Variants in RIMS2 observed in about 807,000 individuals in gnomAD.
The protein encoded by RIMS2 is regulating synaptic membrane exocytosis protein 2.
In RIMS2, 59 loss-of-function variants were observed where a neutral mutation model predicts 174.4. The observed-to-expected ratio is 0.34, with a 90% CI of 0.27 to 0.42. The LOEUF (loss-of-function observed/expected upper bound fraction) is 0.42. RIMS2 is among the 10% of genes least tolerant of loss of function. RIMS2 has a pLI of 1.00. For synonymous variants in RIMS2, 606 were observed against 572.5 expected (o/e 1.06, Z -0.84); for missense variants, 1,620 against 1,666.3 (o/e 0.97, Z 0.48).
intron 19 of RIMS2, 41 bp downstream of exon 24, chr8:104,093,684 A>G: frequency 6.7e-7 from 1 of 1,482,496 alleles, no homozygotes; most frequent in South Asian, 1.2e-5. Flanking sequence ...AATATGTTTT[A>G]GAAGGTCTTT....
At chr8:103,736,322 A>G (rs1248010874) in intron 2 of RIMS2, among the ~76,000 whole-genome samples, 4 of 152,218 alleles carry the variant, frequency 2.6e-5, no homozygotes, top group Non-Finnish European at 5.9e-5. Context: ...AGTTTTTGAC[A>G]TCAAAGTCCC....
At chr8:103,549,188 C>T (rs1398954963) in intron 1 of RIMS2, among the ~76,000 whole-genome samples, 1 of 151,792 alleles carries the variant, frequency 6.6e-6, no homozygotes, top group Non-Finnish European at 1.5e-5. Flanking sequence ...CAAAGTTGAA[C>T]TGAAGGAAAA....
At chr8:104,188,180 C>T (rs75966236) in intron 19 of RIMS2, among the ~76,000 whole-genome samples, 78 of 149,892 alleles carry the variant, frequency 5.2e-4, no homozygotes, top group East Asian at 2.6e-3. Flanking sequence ...TTAGGGAAGG[C>T]GAAGTAGGAA....
intron 1 of RIMS2, among the ~76,000 whole-genome samples, chr8:103,598,959 A>T (rs916342591): frequency 1.3e-5 from 2 of 152,062 alleles, no homozygotes; most frequent in African/African-American, 2.4e-5. Flanking sequence ...CTGTTAGCTA[A>T]AACATATTGA....
intron 2 of RIMS2, among the ~76,000 whole-genome samples, chr8:103,722,185 C>T (rs1008958582): frequency 6.6e-6 from 1 of 151,984 alleles, no homozygotes; most frequent in African/African-American, 2.4e-5. Context: ...GCCTGGCCAA[C>T]ATGGTGAAAC....
intron 4 of RIMS2, among the ~76,000 whole-genome samples, chr8:103,909,544 G>A (rs183269522): frequency 2.5e-4 from 38 of 152,190 alleles, no homozygotes; most frequent in Admixed American, 2.4e-3. Flanking sequence ...GAATGAACCT[G>A]TTTTATAATT....
At chr8:103,957,444 C>A (rs1324952046) in intron 14 of RIMS2, among the ~76,000 whole-genome samples, 1 of 152,190 alleles carries the variant, frequency 6.6e-6, no homozygotes, top group Admixed American at 6.5e-5. Context: ...AGGATGAGTT[C>A]ATGTCCTTTG....
intron 19 of RIMS2, among the ~76,000 whole-genome samples, chr8:104,098,460 A>G (rs2097799739): frequency 6.6e-6 from 1 of 152,148 alleles, no homozygotes; most frequent in Non-Finnish European, 1.5e-5. Context: ...AAAAACAAAT[A>G]CTGAAAAGCA....
At chr8:104,156,047 A>G (rs1234269017) in intron 19 of RIMS2, among the ~76,000 whole-genome samples, 1 of 152,238 alleles carries the variant, frequency 6.6e-6, no homozygotes, top group East Asian at 1.9e-4. Flanking sequence ...AAAACTAACT[A>G]TGAGAAAACT....
chr8:103,560,552 A>G (rs2091424232), intron 1 of RIMS2, among the ~76,000 whole-genome samples: 1 of 152,196 alleles, frequency 6.6e-6, no homozygotes, highest in Non-Finnish European at 1.5e-5. Context: ...TACACAGATC[A>G]AACATTTAAC....
chr8:103,667,647 CA>C (rs2096688993), intron 1 of RIMS2, among the ~76,000 whole-genome samples: 2 of 152,206 alleles, frequency 1.3e-5, no homozygotes, highest in Admixed American at 1.3e-4. Flanking sequence ...TGAGTGCACA[CA>C]AACCCCTTTT....
At chr8:103,587,225 TA>T (rs1563897259) in intron 1 of RIMS2, among the ~76,000 whole-genome samples, 1 of 151,832 alleles carries the variant, frequency 6.6e-6, no homozygotes, top group Admixed American at 6.6e-5. Flanking sequence ...ATTCTTTCAG[TA>T]AAGAAAGGTC....
At chr8:103,985,892 ACT>A (rs1338473770) in intron 16 of RIMS2, among the ~76,000 whole-genome samples, 1 of 152,196 alleles carries the variant, frequency 6.6e-6, no homozygotes, top group Non-Finnish European at 1.5e-5. Context: ...ACATGATCTA[ACT>A]TATATATAGA....
At chr8:103,941,893 G>A (rs1013991533) in intron 13 of RIMS2, among the ~76,000 whole-genome samples, 1 of 152,118 alleles carries the variant, frequency 6.6e-6, no homozygotes, top group African/African-American at 2.4e-5. Context: ...TTTTGCTTAT[G>A]AAAATTAAAC....
intron 1 of RIMS2, among the ~76,000 whole-genome samples, chr8:103,576,483 G>A (rs887292903): frequency 6.6e-6 from 1 of 152,124 alleles, no homozygotes; most frequent in African/African-American, 2.4e-5. Context: ...AATGGAGAAC[G>A]AATGAAACCA....
At chr8:103,753,146 G>C (rs540873217) in intron 2 of RIMS2, among the ~76,000 whole-genome samples, 85 of 150,166 alleles carry the variant, frequency 5.7e-4, no homozygotes, top group African/African-American at 1.4e-3. Flanking sequence ...TAGCATGAAG[G>C]GTAGTTGAAT....
intron 1 of RIMS2, among the ~76,000 whole-genome samples, chr8:103,667,779 G>C (rs1405594320): frequency 6.6e-6 from 1 of 152,184 alleles, no homozygotes; most frequent in Admixed American, 6.5e-5. Flanking sequence ...GATGTCATCT[G>C]CTTCTAGGGA....
chr8:104,215,201 A>G (rs2099124579), intron 19 of RIMS2, among the ~76,000 whole-genome samples: 1 of 152,242 alleles, frequency 6.6e-6, no homozygotes, highest in African/African-American at 2.4e-5. Flanking sequence ...TAAGCAACTT[A>G]TAACCATTTA....
intron 3 of RIMS2, among the ~76,000 whole-genome samples, chr8:103,870,634 A>G (rs1350420317): frequency 1.3e-5 from 2 of 151,850 alleles, no homozygotes; most frequent in African/African-American, 4.8e-5. Flanking sequence ...TCTATTCCAA[A>G]TCTTACTCAT....
Sources: gnomAD v4.1 joint callset for allele counts (sites outside exome capture counted in the v4.1 genomes callset) on GRCh38, gnomAD v4.1.1 for gene constraint, MANE v1.5 for transcripts, NCBI Gene and HGNC (gene_info 2026-07-23, HGNC 2026-07-21) for gene names.